Variants in LACTBL1 observed in about 807,000 individuals in gnomAD.
The protein encoded by LACTBL1 is beta-lactamase-like protein 1.
In LACTBL1, 29 loss-of-function variants were observed where a neutral mutation model predicts 39.6. That is an observed-to-expected ratio of 0.73 (90% CI 0.55 to 1.00). The LOEUF is 1.00. Ranked by LOEUF, LACTBL1 falls within the 50% of genes least tolerant of loss-of-function variation. The probability of loss-of-function intolerance (pLI) is 0.00; values close to 1 mark genes in which losing one functional copy is unlikely to be tolerated. For synonymous variants in LACTBL1, 361 were observed against 360.7 expected (o/e 1.00, Z -0.01); for missense variants, 711 against 748.5 (o/e 0.95, Z 0.59).
At chr1:22,957,713 C>T (rs1244780411) in intron 4 of LACTBL1, among the ~76,000 whole-genome samples, 2 of 136,302 alleles carry the variant, frequency 1.5e-5, no homozygotes, top group African/African-American at 2.8e-5. Flanking sequence ...TGCAATGACG[C>T]GATCTCAGCT....
chr1:22,963,202 C>G (rs1165524541), exon 2 of LACTBL1: 1 of 1,356,286 alleles, frequency 7.4e-7, no homozygotes. Context: ...GAGGTCTCCT[C>G]TGGTCCCAGG....
At chr1:22,962,472 C>T (rs1488761113) in intron 2 of LACTBL1, among the ~76,000 whole-genome samples, 1 of 152,196 alleles carries the variant, frequency 6.6e-6, no homozygotes, top group South Asian at 2.1e-4. Flanking sequence ...CTAGAGCTGA[C>T]TGACACCTGC....
At chr1:22,964,042 T>A (rs1448084474) in intron 1 of LACTBL1, among the ~76,000 whole-genome samples, 1 of 152,150 alleles carries the variant, frequency 6.6e-6, no homozygotes, top group African/African-American at 2.4e-5. Flanking sequence ...GTTCAAGCGA[T>A]TCTCCTGCCT....
chr1:22,961,995 C>G (rs1458800318), intron 2 of LACTBL1, among the ~76,000 whole-genome samples: 1 of 152,094 alleles, frequency 6.6e-6, no homozygotes, highest in Non-Finnish European at 1.5e-5. Context: ...ATCCACCCAT[C>G]TCGGCCTCCC....
chr1:22,972,181 TG>T, the LACTBL1 span: 1 of 162,060 alleles, frequency 6.2e-6, no homozygotes, highest in African/African-American at 2.6e-5. Context: ...ATGATGATGA[TG>T]ATGATGATGA....
chr1:22,958,575 G>T, intron 4 of LACTBL1, 110 bp downstream of exon 6: 2 of 886,506 alleles, frequency 2.3e-6, no homozygotes, highest in South Asian at 1.8e-5. Context: ...CGTAGGGCCA[G>T]TTCAGGAAGC....
exon 6 of LACTBL1, chr1:22,953,351 C>G (rs755685778): frequency 6.3e-5 from 77 of 1,228,790 alleles, no homozygotes; most frequent in Non-Finnish European, 7.7e-5. Flanking sequence ...GCCGGCCCGG[C>G]GCGCACCTCG....
upstream of LACTBL1, chr1:22,965,457 C>T: frequency 8.1e-7 from 1 of 1,234,572 alleles, no homozygotes; most frequent in Non-Finnish European, 1.0e-6. Context: ...GTACAGTCCC[C>T]TTGGGGGTCA....
exon 6 of LACTBL1, chr1:22,953,903 T>A (rs143762616): frequency 1.9e-6 from 3 of 1,550,214 alleles, no homozygotes; most frequent in Non-Finnish European, 2.6e-6. Flanking sequence ...TCAAAGCCCG[T>A]GTCTGCCATC....
At chr1:22,963,240 G>A (rs1410292731) in intron 1 of LACTBL1, 24 bp from the exon 4 acceptor site, 17 of 1,254,962 alleles carry the variant, frequency 1.4e-5, no homozygotes, top group African/African-American at 7.9e-5. Context: ...CACATGGTGA[G>A]GAGGGGACAG....
chr1:22,970,515 C>T, the LACTBL1 span, among the ~76,000 whole-genome samples: 1 of 151,990 alleles, frequency 6.6e-6, no homozygotes, highest in Non-Finnish European at 1.5e-5. Flanking sequence ...ATATGTTTAT[C>T]GTGGTGGTGG....
chr1:22,959,008 G>A, intron 3 of LACTBL1, 88 bp from the exon 6 acceptor site: 1 of 831,660 alleles, frequency 1.2e-6, no homozygotes, highest in Non-Finnish European at 1.9e-6. Flanking sequence ...ACTTTTTAGT[G>A]TTCTAGAAAA....
chr1:22,958,539 C>G, intron 4 of LACTBL1, 146 bp downstream of exon 6: 1 of 650,344 alleles, frequency 1.5e-6, no homozygotes, highest in South Asian at 2.1e-5. Context: ...TTTCCCTGGC[C>G]CACCACCCAC....
intron 2 of LACTBL1, among the ~76,000 whole-genome samples, chr1:22,960,548 C>T (rs1353982540): frequency 7.7e-6 from 1 of 130,678 alleles, no homozygotes. Flanking sequence ...ACCCAGGAGG[C>T]GGAGGTTGCA....
chr1:22,963,140 G>T, exon 2 of LACTBL1: 1 of 1,289,986 alleles, frequency 7.8e-7, no homozygotes, highest in South Asian at 2.8e-5. Flanking sequence ...CGGGGAGTGG[G>T]TGAGCCAGGG....
At chr1:22,961,935 A>G (rs1461933359) in intron 2 of LACTBL1, among the ~76,000 whole-genome samples, 1 of 151,768 alleles carries the variant, frequency 6.6e-6, no homozygotes, top group Non-Finnish European at 1.5e-5. Context: ...TTTAGTAGAG[A>G]CAGGCTTTCA....
Position 22,963,223 on chromosome 1 carries a change from G to A in LACTBL1, c.50-7C>T, listed in dbSNP as rs1332064438. 6 of 1,336,380 alleles carry A rather than the reference G, an allele frequency of 4.5e-6. No individual in the cohort carries two copies. Among genetic ancestry groups the A allele is most frequent in the African/African-American group, 1.5e-5 (1 of 65,328 alleles). The allele number at this position is 1,336,380 out of a possible 1,614,324, so 82.8% of individuals were successfully genotyped here. A position where few individuals can be genotyped will look rare whatever the true frequency, so the allele number is the denominator to read the frequency against. The stretch of plus-strand genomic sequence containing the variant: ...TCCTCTGGTCCCAGGGAACCTGGAG[G>A]GAACATCACATGGTGAGGAGGGGAC... On this transcript the variant is annotated splice_polypyrimidine_tract_variant and splice_region_variant and intron_variant, in intron 1 of 5. Transcript: ENST00000426928.
chr1:22,967,448 G>C (rs1348138633), upstream of LACTBL1, among the ~76,000 whole-genome samples: 2 of 152,026 alleles, frequency 1.3e-5, no homozygotes, highest in African/African-American at 4.8e-5. Flanking sequence ...GGAGTCTGAG[G>C]TGGGAGGATT....
chr1:22,960,049 C>T lies in LACTBL1; in HGVS notation c.210G>A (p.Met70Ile), dbSNP rs775514916. 1.9e-6 allele frequency: 3 copies of T among 1,550,724 alleles called. No individual in the cohort carries two copies. The South Asian group carries it at 3.6e-5, about 18-fold the overall frequency. Residue 70 changes from methionine to isoleucine, a missense_variant, in exon 3 of 6, where the codon ATG becomes ATA. By Grantham distance (10) the Met-to-Ile change is conservative. Coordinates refer to ENST00000426928, the Ensembl canonical transcript of LACTBL1. ...TATCATTGTGGATGACAACTGCAGA[C>T]ATGGCAGCCACGCCTGGGGCAGACA...
Sources: allele counts gnomAD v4.1 joint callset (sites outside exome capture counted in the v4.1 genomes callset), GRCh38; gene constraint gnomAD v4.1.1; transcripts MANE v1.5; gene names NCBI Gene and HGNC (gene_info 2026-07-23, HGNC 2026-07-21).